The following VWA3A variants were observed in gnomAD, a reference collection of about 807,000 sequenced individuals.
VWA3A encodes the protein von Willebrand factor A domain containing 3A, also known as von Willebrand factor A domain-containing protein 3A.
VWA3A carries 134 observed loss-of-function variants against 160.4 expected under a neutral mutation model. That is an observed-to-expected ratio of 0.84 (90% CI 0.73 to 0.96). VWA3A has a LOEUF of 0.96. Among genes scored for constraint, VWA3A ranks in the 40% least tolerant of loss-of-function variants. The probability of loss-of-function intolerance (pLI) is 0.00; values close to 1 mark genes in which losing one functional copy is unlikely to be tolerated. For missense variants in VWA3A, 1,310 were observed against 1,447.9 expected, an observed-to-expected ratio of 0.90 and a Z score of 1.55; for synonymous variants, 476 against 543.4, an observed-to-expected ratio of 0.88 and a Z score of 1.72.
chr16:22,152,779 C>A, intron 31 of VWA3A, 145 bp downstream of exon 31: 1 of 1,211,964 alleles, frequency 8.3e-7, no homozygotes, highest in Non-Finnish European at 1.1e-6. Context: ...CAGGCATGAG[C>A]CACCACGCCC....
intron 8 of VWA3A, among the ~76,000 whole-genome samples, chr16:22,113,630 G>A (rs961723000): frequency 1.3e-5 from 2 of 150,004 alleles, no homozygotes; most frequent in African/African-American, 2.4e-5. Context: ...ACAAGGTCTT[G>A]CTCTGTCACC....
chr16:22,100,964 CAAAAAAAA>C (rs59096934), intron 5 of VWA3A, among the ~76,000 whole-genome samples: 1 of 60,780 alleles, frequency 1.6e-5, no homozygotes, highest in African/African-American at 6.0e-5. Context: ...GACCCTGTCT[CAAAAAAAA>C]AAAAAAAAAA....
rs1366391601 is a variant in VWA3A at position 22,097,718 on chromosome 16, TG to T, written c.225+26del. The T allele has an allele frequency of 1.9e-6, 3 of 1,550,934 alleles. No individual in the cohort carries two copies. The East Asian group carries it at 7.3e-5, about 38-fold the overall frequency. Reference sequence around the variant, plus strand: ...CTGGTAAAGACCATGGCACTTTAACTGGGTCGTGATACTACAAATCATTCAG... The same window carrying T: ...CTGGTAAAGACCATGGCACTTTAACTGGTCGTGATACTACAAATCATTCAG... On this transcript the variant is annotated intron_variant, in intron 3 of 33. Transcript: ENST00000389398.
chr16:22,113,375 T>TA (rs1327445423), intron 8 of VWA3A, among the ~76,000 whole-genome samples: 1 of 105,220 alleles, frequency 9.5e-6, no homozygotes, highest in Non-Finnish European at 1.7e-5. Flanking sequence ...TTTTTTTTTT[T>TA]TTTTTTTTTT....
At chr16:22,153,491 T>C (rs2046384873) in intron 31 of VWA3A, among the ~76,000 whole-genome samples, 1 of 152,172 alleles carries the variant, frequency 6.6e-6, no homozygotes, top group Non-Finnish European at 1.5e-5. Context: ...ACATTCAAGT[T>C]ATCTGTTAAG....
At chr16:22,124,165 A>G (rs530551361) in intron 16 of VWA3A, among the ~76,000 whole-genome samples, 1 of 137,176 alleles carries the variant, frequency 7.3e-6, no homozygotes, top group Non-Finnish European at 1.5e-5. Context: ...TGGGCAACAG[A>G]GCAAGTCCCT....
chr16:22,156,084 A>G lies in VWA3A; in HGVS notation c.*67A>G, dbSNP rs1021012825. 2.1e-5 allele frequency: 15 copies of G among 698,668 alleles called. No homozygotes were observed. The highest frequency in any genetic ancestry group is 2.9e-5 in the Non-Finnish European group (12 of 420,350). The allele number at this position is 698,668 out of a possible 1,614,324, so 43.3% of individuals were successfully genotyped here. ...CTGAGCAAATCTCAGCCCCGAGGGC[A>G]GGATGGGATGAAATGCTGTGACCTG... On this transcript the variant is annotated 3_prime_UTR_variant, in exon 34 of 34. Transcript: ENST00000389398.
intron 26 of VWA3A, among the ~76,000 whole-genome samples, chr16:22,145,349 A>G (rs952330018): frequency 1.3e-5 from 2 of 152,148 alleles, no homozygotes; most frequent in African/African-American, 4.8e-5. Context: ...TAAAATTTAG[A>G]GATTATTGGC....
chr16:22,123,567 T>C, intron 15 of VWA3A, 46 bp from the exon 16 acceptor site: 1 of 1,613,710 alleles, frequency 6.2e-7, no homozygotes, highest in South Asian at 1.1e-5. Context: ...GCCCCTTGGT[T>C]GCTCAGCCTT....
At chr16:22,131,456 C>T (rs2045946484) in intron 18 of VWA3A, 129 bp from the exon 19 acceptor site, 1 of 1,486,570 alleles carries the variant, frequency 6.7e-7, no homozygotes, top group African/African-American at 1.4e-5. Flanking sequence ...ACCTGGCCAT[C>T]TTCACTTTAT....
At chr16:22,117,958 T>G (rs901178538) in intron 11 of VWA3A, among the ~76,000 whole-genome samples, 3 of 152,178 alleles carry the variant, frequency 2.0e-5, no homozygotes. Context: ...TGACTGAAAC[T>G]GACTGGTTTA....
chr16:22,136,277 C>T (rs943911901), intron 21 of VWA3A, among the ~76,000 whole-genome samples: 23 of 152,096 alleles, frequency 1.5e-4, no homozygotes, highest in African/African-American at 5.1e-4. Flanking sequence ...CTGACCCCCA[C>T]GCTCCTCACT....
At chr16:22,100,089 G>A in intron 3 of VWA3A, 105 bp from the exon 4 acceptor site, 2 of 1,267,716 alleles carry the variant, frequency 1.6e-6, no homozygotes, top group South Asian at 1.7e-5. Flanking sequence ...AAAAAAAAAA[G>A]ATAGGGTCAG....
chr16:22,115,237 C>T, intron 8 of VWA3A, 110 bp from the exon 9 acceptor site: 1 of 1,265,086 alleles, frequency 7.9e-7, no homozygotes, highest in Non-Finnish European at 1.1e-6. Flanking sequence ...GATTGCACCA[C>T]TGCACTTCAG....
chr16:22,100,051 G>A, intron 3 of VWA3A, 143 bp from the exon 4 acceptor site: 1 of 1,012,140 alleles, frequency 9.9e-7, no homozygotes, highest in South Asian at 1.8e-5. Context: ...CTCTAGCCTT[G>A]GTGACAAGAG....
rs773643207 is a variant in VWA3A, at chr16:22,131,732, G to A, written c.1872+3G>A. Reference sequence around the variant, plus strand: ...GGGGCATCCCCGACCAGGACATGGTGGGTAGGCCACGTCCTGGGTGTCCAT... The same window carrying A: ...GGGGCATCCCCGACCAGGACATGGTAGGTAGGCCACGTCCTGGGTGTCCAT... On this transcript the variant is annotated splice_donor_region_variant and intron_variant, in intron 19 of 33. Coordinates refer to ENST00000389398, the MANE Select transcript of VWA3A (RefSeq NM_173615.5). The A allele has an allele frequency of 5.6e-6, 9 of 1,612,184 alleles. No individual in the cohort carries two copies. Among genetic ancestry groups the A allele is most frequent in the East Asian group, 2.2e-5 (1 of 44,886 alleles).
rs771664481 is a variant in VWA3A, at chr16:22,121,142, A to G, written c.1252+39A>G. 1.7e-5 allele frequency: 28 copies of G among 1,613,282 alleles called. No individual in the cohort carries two copies. In the Admixed American group the frequency reaches 3.3e-4, roughly 19 times the overall value. ...GAGGGCAGAACCCAGGAAACAGGTG[A>G]CTGACTAAAAGGCTTGAATCCGGCC... On this transcript the variant is annotated intron_variant, in intron 13 of 33. Transcript: ENST00000389398.
At chr16:22,124,530 CTAT>C (rs10564178) in intron 16 of VWA3A, among the ~76,000 whole-genome samples, 16,142 of 140,976 alleles carry the variant, frequency 0.11, 1,291 homozygotes, top group East Asian at 0.48. Flanking sequence ...TACTATACAT[CTAT>C]TATTATTATT....
intron 21 of VWA3A, among the ~76,000 whole-genome samples, chr16:22,136,229 G>C (rs1398154306): frequency 1.3e-5 from 2 of 152,210 alleles, no homozygotes; most frequent in Non-Finnish European, 2.9e-5. Flanking sequence ...GGACTTGCAA[G>C]TGATTGAACG....
Sources: gnomAD v4.1 joint callset for allele counts (sites outside exome capture counted in the v4.1 genomes callset) on GRCh38, gnomAD v4.1.1 for gene constraint, MANE v1.5 for transcripts, NCBI Gene and HGNC (gene_info 2026-07-23, HGNC 2026-07-21) for gene names.